PTBP3: variants seen among roughly 807,000 people sequenced by gnomAD.
PTBP3 encodes the protein polypyrimidine tract binding protein 3, also known as polypyrimidine tract-binding protein 3.
A neutral mutation model predicts 58.7 loss-of-function variants in PTBP3; 20 were observed. The observed-to-expected ratio is 0.34, with a 90% CI of 0.24 to 0.50. The LOEUF (loss-of-function observed/expected upper bound fraction) is 0.50, where lower values mean the gene tolerates loss of function less well. PTBP3 is among the 20% of genes least tolerant of loss of function. The pLI, the probability that PTBP3 is intolerant of heterozygous loss-of-function variation, is 0.98. For synonymous variants in PTBP3, 185 were observed against 219.8 expected, an observed-to-expected ratio of 0.84 and a Z score of 1.40; for missense variants, 509 against 637.2, an observed-to-expected ratio of 0.80 and a Z score of 2.17.
In PTBP3 at chr9:112,262,446, C is replaced by T. The variant is rs1424533433; in HGVS notation, c.505G>A (p.Val169Ile). ...ENLFYPVTLE[V>I]LHQIFSKFGT... ...TTATTCCTCCTTACCTGATGAAGAA[C>T]TTCCAGGGTAACAGGGTAAAAGAGG... The change falls in exon 5 of 14, where the codon GTT becomes ATT. Residue 169 changes from valine (V) to isoleucine (I), a missense_variant. By Grantham distance (29) the Val-to-Ile change is conservative. Coordinates refer to ENST00000374257, the MANE Select transcript of PTBP3 (RefSeq NM_001163788.4). 1.3e-6 allele frequency: 2 copies of T among 1,598,962 alleles called. No individual in the cohort carries two copies. Among genetic ancestry groups the T allele is most frequent in the South Asian group, 1.1e-5 (1 of 87,488 alleles).
At chr9:112,335,275 G>GT (rs1830551406), upstream of PTBP3, among the ~76,000 whole-genome samples, 1 of 75,986 alleles carries the variant, frequency 1.3e-5, no homozygotes. Context: ...TTTGTTGTTT[G>GT]TTTTTTTGTT....
the PTBP3 span, among the ~76,000 whole-genome samples, chr9:112,340,876 C>T: frequency 8.3e-4 from 25 of 30,060 alleles, no homozygotes; most frequent in East Asian, 0.02. Context: ...AACTCTGTCT[C>T]AAAAAAAAAA....
rs1263499449 is a variant in PTBP3, at chr9:112,221,564, T to G, written c.*2287A>C. ...GTGGAAGGGAAAAAAAAGCAAGTTT[T>G]GGGAGATTTTGCAAAGAAATTTTTT... is the stretch of plus-strand genomic sequence containing the variant. On this transcript the variant is annotated 3_prime_UTR_variant, in exon 14 of 14. Coordinates refer to ENST00000374257, the MANE Select transcript of PTBP3 (RefSeq NM_001163788.4). The G allele has an allele frequency of 1.0e-6, 1 of 985,530 alleles. No homozygotes were observed. The highest frequency in any genetic ancestry group is 1.1e-4 in the East Asian group (1 of 8,836). The allele number at this position is 985,530 out of a possible 1,614,324, so 61.0% of individuals were successfully genotyped here.
chr9:112,226,844 G>A (rs891401728), intron 12 of PTBP3, among the ~76,000 whole-genome samples: 1 of 152,094 alleles, frequency 6.6e-6, no homozygotes, highest in African/African-American at 2.4e-5. Flanking sequence ...TTAGCTCATA[G>A]GCCATACAAA....
At position 112,287,340 on chromosome 9, in the gene PTBP3, TG is replaced by T. The variant is rs373585778; in HGVS notation, c.34+10491del. On this transcript the variant is annotated intron_variant, in intron 2 of 13. Transcript: ENST00000374257. ...TCTGTTCACTTCTTTTTCAGTTTTT[TG>T]TTTTTTTTTTTTTTTTGAGACAGAG... 2.6e-3 allele frequency among the ~76,000 whole-genome samples: 356 copies of T among 135,256 alleles called. 9 individuals are homozygous for T. The highest frequency in any genetic ancestry group is 3.9e-3 in the Non-Finnish European group (245 of 62,818). The allele number at this position is 135,256 out of a possible 152,430, so 88.7% of individuals were successfully genotyped here. A position where few individuals can be genotyped will look rare whatever the true frequency, so the allele number is the denominator to read the frequency against.
In PTBP3 at chr9:112,221,451, GAATT is replaced by G; in HGVS notation, c.*2396_*2399del. ...TTATGCTGAATGTTATGAGAATCAT[GAATT>G]AATAAATTACACAGTAATTCCTAAC... On this transcript the variant is annotated 3_prime_UTR_variant, in exon 14 of 14. Transcript: ENST00000374257. The G allele has an allele frequency of 1.0e-6, 1 of 985,456 alleles. No homozygotes were observed. The highest frequency in any genetic ancestry group is 5.2e-4 in the Middle Eastern group (1 of 1,914). The allele number at this position is 985,456 out of a possible 1,614,324, so 61.0% of individuals were successfully genotyped here. A position where few individuals can be genotyped will look rare whatever the true frequency, so the allele number is the denominator to read the frequency against.
rs368433338 is a variant in PTBP3 at position 112,317,596 on chromosome 9, A to G, written c.-52+15874T>C. Among the ~76,000 whole-genome samples the G allele has an allele frequency of 3.3e-5, 5 of 152,226 alleles. No homozygotes were observed. In the South Asian group the frequency reaches 1.0e-3, roughly 31 times the overall value. ...GAAAAAAAGAAAATATCAATTATGA[A>G]TATCGGTACTGAAAAGATGAAAATT... On this transcript the variant is annotated intron_variant, in intron 1 of 13. Transcript: ENST00000374257.
chr9:112,309,766 C>G (rs1028994324), intron 1 of PTBP3, among the ~76,000 whole-genome samples: 3 of 146,520 alleles, frequency 2.0e-5, no homozygotes, highest in Non-Finnish European at 3.0e-5. Flanking sequence ...CCAGCCTGGG[C>G]GACAGAGAGA....
intron 7 of PTBP3, among the ~76,000 whole-genome samples, chr9:112,239,988 C>CA (rs1403663637): frequency 6.6e-6 from 1 of 151,848 alleles, no homozygotes; most frequent in Non-Finnish European, 1.5e-5. Flanking sequence ...AAAAGTACTC[C>CA]AGGCAGAAGA....
intron 2 of PTBP3, among the ~76,000 whole-genome samples, chr9:112,289,760 C>T (rs188929006): frequency 1.2e-4 from 18 of 152,286 alleles, no homozygotes; most frequent in Non-Finnish European, 2.5e-4. Context: ...ATTACATCTA[C>T]ACACATATAA....
chr9:112,221,808 T>C lies in PTBP3; in HGVS notation c.*2043A>G. The C allele has an allele frequency of 1.0e-6, 1 of 985,088 alleles. No individual in the cohort carries two copies. Among genetic ancestry groups the C allele is most frequent in the Non-Finnish European group, 1.2e-6 (1 of 829,594 alleles). The allele number at this position is 985,088 out of a possible 1,614,324, so 61.0% of individuals were successfully genotyped here. On this transcript the variant is annotated 3_prime_UTR_variant, in exon 14 of 14. Transcript: ENST00000374257. ...TCTGCTTTTTAAACAATCTGTATCA[T>C]CTCTTGCAGTCTCTATTTTTTGGTA... is the stretch of plus-strand genomic sequence containing the variant.
At chr9:112,340,830 C>T in the PTBP3 span, among the ~76,000 whole-genome samples, 10 of 151,324 alleles carry the variant, frequency 6.6e-5, no homozygotes, top group South Asian at 2.1e-4. Flanking sequence ...GAGCCGAGAT[C>T]GCGCCATTGC....
At chr9:112,327,276 A>G (rs1366369934) in intron 1 of PTBP3, among the ~76,000 whole-genome samples, 1 of 152,006 alleles carries the variant, frequency 6.6e-6, no homozygotes, top group African/African-American at 2.4e-5. Flanking sequence ...TAAAAATTAC[A>G]TGAAGAAGGC....
chr9:112,347,894 T>C, the PTBP3 span, among the ~76,000 whole-genome samples: 1 of 152,234 alleles, frequency 6.6e-6, no homozygotes, highest in Non-Finnish European at 1.5e-5. Context: ...TTTACTATTC[T>C]GCCTCATAAT....
At chr9:112,227,305 A>G in intron 12 of PTBP3, 106 bp downstream of exon 12, 1 of 1,179,900 alleles carries the variant, frequency 8.5e-7, no homozygotes, top group Non-Finnish European at 1.2e-6. Flanking sequence ...ACTGTTGACC[A>G]GGACAACTGC....
chr9:112,350,390 AT>A, the PTBP3 span, among the ~76,000 whole-genome samples: 2 of 152,148 alleles, frequency 1.3e-5, no homozygotes, highest in Admixed American at 6.6e-5. Context: ...AATAAACTTT[AT>A]TTTTTATAGC....
At chr9:112,336,496 T>A (rs1443497349), upstream of PTBP3, among the ~76,000 whole-genome samples, 3 of 129,772 alleles carry the variant, frequency 2.3e-5, no homozygotes, top group South Asian at 2.8e-4. Flanking sequence ...AAAAAAAAAA[T>A]TTGGCTGGGC....
At chr9:112,373,551 T>C in the PTBP3 span, among the ~76,000 whole-genome samples, 78 of 152,196 alleles carry the variant, frequency 5.1e-4, no homozygotes, top group Non-Finnish European at 1.6e-4. Context: ...TGCAATCCAA[T>C]TAAGTTGACA....
intron 1 of PTBP3, among the ~76,000 whole-genome samples, chr9:112,303,455 T>C (rs1452823887): frequency 6.6e-6 from 1 of 152,212 alleles, no homozygotes; most frequent in East Asian, 1.9e-4. Context: ...CCTTGAGGTC[T>C]CTTATTTGTG....
Sources: allele counts gnomAD v4.1 joint callset (sites outside exome capture counted in the v4.1 genomes callset), GRCh38; gene constraint gnomAD v4.1.1; transcripts MANE v1.5; gene names NCBI Gene and HGNC (gene_info 2026-07-23, HGNC 2026-07-21).